Variants in ELP4 observed in about 807,000 individuals in gnomAD.
The protein encoded by ELP4 is elongator complex protein 4.
Under a neutral mutation model 48.9 loss-of-function variants are expected in ELP4, and 51 were observed. The observed-to-expected ratio is 1.04, with a 90% CI of 0.83 to 1.32. The LOEUF is 1.32. Among genes scored for constraint, ELP4 ranks in the 40% most tolerant of loss-of-function variants. The pLI is 0.00. For synonymous variants in ELP4, 210 were observed against 189.2 expected (o/e 1.11, Z -0.90); for missense variants, 519 against 514.6 (o/e 1.01, Z -0.08).
chr11:31,534,208 C>G (rs1956460773), intron 2 of ELP4, among the ~76,000 whole-genome samples: 1 of 151,840 alleles, frequency 6.6e-6, no homozygotes, highest in Admixed American at 6.6e-5. Flanking sequence ...CCCACAAATA[C>G]TTTGATACTT....
In ELP4 at chr11:31,517,188, CT is replaced by C. The variant is rs999702137; in HGVS notation, c.224-2855del. 8.1e-3 allele frequency among the ~76,000 whole-genome samples: 1,184 copies of C among 145,540 alleles called. 13 individuals are homozygous for C. The highest frequency in any genetic ancestry group is 0.025 in the African/African-American group (987 of 40,060). ...CAAAAAATAAACACTATCAAAGGAA[CT>C]TTTTTTTTTTTTGAGACAGAGTCTT... On this transcript the variant is annotated intron_variant, in intron 1 of 9. Transcript: ENST00000640961.
intron 2 of ELP4, among the ~76,000 whole-genome samples, chr11:31,520,730 G>A (rs1009199927): frequency 5.3e-5 from 8 of 151,948 alleles, no homozygotes; most frequent in East Asian, 1.9e-4. Flanking sequence ...ATAAATTTAC[G>A]TAGTTTTTCA....
intron 9 of ELP4, among the ~76,000 whole-genome samples, chr11:31,669,817 T>G (rs570757216): frequency 6.6e-6 from 1 of 152,354 alleles, no homozygotes; most frequent in East Asian, 1.9e-4. Flanking sequence ...GAGAAGGGTA[T>G]TAGTAATCAG....
chr11:31,641,356 G>C (rs1208475057), intron 7 of ELP4, among the ~76,000 whole-genome samples: 1 of 151,758 alleles, frequency 6.6e-6, no homozygotes, highest in African/African-American at 2.4e-5. Context: ...TTTTCTTCAA[G>C]AAAGTGTATA....
At chr11:31,764,701 C>T (rs1280507304) in intron 9 of ELP4, among the ~76,000 whole-genome samples, 1 of 152,190 alleles carries the variant, frequency 6.6e-6, no homozygotes, top group East Asian at 1.9e-4. Flanking sequence ...ATGGAATATA[C>T]AGATAAATTT....
At chr11:31,701,866 A>G (rs1946529995) in intron 9 of ELP4, among the ~76,000 whole-genome samples, 1 of 151,996 alleles carries the variant, frequency 6.6e-6, no homozygotes, top group African/African-American at 2.4e-5. Flanking sequence ...AACATTTTAT[A>G]TTATAAACAC....
chr11:31,548,235 T>C (rs1338838549), intron 3 of ELP4, among the ~76,000 whole-genome samples: 1 of 152,058 alleles, frequency 6.6e-6, no homozygotes, highest in Admixed American at 6.6e-5. Context: ...ATCTAGAAAA[T>C]CCCATTGTCT....
At chr11:31,512,790 C>G (rs1320465636) in intron 1 of ELP4, among the ~76,000 whole-genome samples, 2 of 134,070 alleles carry the variant, frequency 1.5e-5, no homozygotes, top group South Asian at 2.8e-4. Flanking sequence ...CCCTGCCCTC[C>G]GCCCCCCCTC....
intron 4 of ELP4, among the ~76,000 whole-genome samples, chr11:31,602,841 T>C (rs1171124401): frequency 6.6e-6 from 1 of 152,006 alleles, no homozygotes; most frequent in Non-Finnish European, 1.5e-5. Flanking sequence ...GGAAATTATG[T>C]AATAGTAGAT....
At chr11:31,591,555 C>T (rs142752413) in intron 3 of ELP4, among the ~76,000 whole-genome samples, 185 of 151,986 alleles carry the variant, frequency 1.2e-3, no homozygotes, top group African/African-American at 4.3e-3. Flanking sequence ...ATTGAGATAC[C>T]ACTTCATCCC....
chr11:31,527,197 A>G (rs1956308866), intron 2 of ELP4, among the ~76,000 whole-genome samples: 1 of 151,932 alleles, frequency 6.6e-6, no homozygotes, highest in African/African-American at 2.4e-5. Flanking sequence ...CATTCTGCTT[A>G]TGTTTTTAAA....
At chr11:31,687,720 A>C (rs1202665730) in intron 9 of ELP4, 2 of 152,168 alleles carry the variant, frequency 1.3e-5, no homozygotes, top group Admixed American at 6.5e-5. Context: ...CAGAATAGAT[A>C]ATTTTTCAAT....
intron 9 of ELP4, chr11:31,651,877 C>T (rs1945326625): frequency 6.6e-6 from 1 of 151,668 alleles, no homozygotes; most frequent in Admixed American, 6.6e-5. Flanking sequence ...TATGATTTCT[C>T]TTTCTCTGTC....
At chr11:31,583,153 A>G (rs1045440174) in intron 3 of ELP4, among the ~76,000 whole-genome samples, 1 of 152,120 alleles carries the variant, frequency 6.6e-6, no homozygotes, top group Non-Finnish European at 1.5e-5. Flanking sequence ...TTTTTCAACC[A>G]ACCCTTCTGT....
Position 31,783,961 on chromosome 11 carries a change from G to A in ELP4, c.*437G>A, listed in dbSNP as rs1948434835. The A allele has an allele frequency of 6.6e-6, 1 of 152,596 alleles. No individual in the cohort carries two copies. Among genetic ancestry groups the A allele is most frequent in the African/African-American group, 2.4e-5 (1 of 41,438 alleles). The allele number at this position is 152,596 out of a possible 1,614,324, so 9.5% of individuals were successfully genotyped here. A position where few individuals can be genotyped will look rare whatever the true frequency, so the allele number is the denominator to read the frequency against. ...AAAATGCTGTTTTTTAAATGAAAAT[G>A]TGTTTACTAATATATAAAATAAATT... On this transcript the variant is annotated 3_prime_UTR_variant, in exon 10 of 10. Transcript: ENST00000640961.
chr11:31,679,593 C>T (rs934260960), intron 9 of ELP4, among the ~76,000 whole-genome samples: 3 of 152,130 alleles, frequency 2.0e-5, no homozygotes, highest in African/African-American at 7.2e-5. Flanking sequence ...ACCCTAAAGA[C>T]ATCATTTTAA....
intron 3 of ELP4, among the ~76,000 whole-genome samples, chr11:31,580,144 G>T (rs752973014): frequency 6.6e-6 from 1 of 152,018 alleles, no homozygotes; most frequent in Non-Finnish European, 1.5e-5. Context: ...TTCAGAGAAG[G>T]CCTCTTGGGT....
intron 9 of ELP4, among the ~76,000 whole-genome samples, chr11:31,722,072 G>T (rs1592253202): frequency 6.6e-6 from 1 of 152,082 alleles, no homozygotes; most frequent in African/African-American, 2.4e-5. Context: ...GTGAAAAATT[G>T]TAACTTAATG....
rs928834789 is a variant in ELP4 at position 31,789,742 on chromosome 11, C to T, written c.*6218C>T. ...AAGATTTGTTCCAACTGATATCGTGCCTTCTGTATACAAAGGTCCTTGTTT... is the reference window on the plus strand; with the variant it reads ...AAGATTTGTTCCAACTGATATCGTGTCTTCTGTATACAAAGGTCCTTGTTT... On this transcript the variant is annotated 3_prime_UTR_variant, in exon 10 of 10. Coordinates refer to ENST00000640961, the MANE Select transcript of ELP4 (RefSeq NM_019040.5). 5.2e-5 allele frequency: 37 copies of T among 708,352 alleles called. No homozygotes were observed. Among genetic ancestry groups the T allele is most frequent in the Non-Finnish European group, 9.3e-5 (36 of 386,632 alleles). 43.9% of individuals were successfully genotyped at this position (708,352 alleles called of 1,614,324 possible).
Sources: gnomAD v4.1 joint callset for allele counts (sites outside exome capture counted in the v4.1 genomes callset) on GRCh38, gnomAD v4.1.1 for gene constraint, MANE v1.5 for transcripts, NCBI Gene and HGNC (gene_info 2026-07-23, HGNC 2026-07-21) for gene names.